TENM4: variants seen among roughly 807,000 people sequenced by gnomAD.
TENM4 encodes the protein teneurin transmembrane protein 4.
A neutral mutation model predicts 243.3 loss-of-function variants in TENM4; 82 were observed. The ratio of observed to expected loss-of-function variants is 0.34; its 90% CI spans 0.28 to 0.40. TENM4 has a LOEUF of 0.40. TENM4 is among the 10% of genes least tolerant of loss of function. The probability of loss-of-function intolerance (pLI) is 1.00; values close to 1 mark genes in which losing one functional copy is unlikely to be tolerated. For missense variants in TENM4, 3,138 were observed against 3,673.3 expected (o/e 0.85, Z 3.77); for synonymous variants, 1,412 against 1,456.3 (o/e 0.97, Z 0.69).
intron 2 of TENM4, among the ~76,000 whole-genome samples, chr11:79,261,834 C>G (rs571762573): frequency 6.6e-6 from 1 of 152,272 alleles, no homozygotes; most frequent in East Asian, 1.9e-4. Context: ...AATACTGGGG[C>G]AGGCCTCTGA....
intron 30 of TENM4, among the ~76,000 whole-genome samples, chr11:78,672,872 C>A (rs1296070498): frequency 6.6e-6 from 1 of 152,058 alleles, no homozygotes; most frequent in Non-Finnish European, 1.5e-5. Context: ...GCCCTCTGAG[C>A]AATTCGTGGC....
At chr11:79,037,559 AT>A (rs951163830) in intron 6 of TENM4, among the ~76,000 whole-genome samples, 3 of 152,298 alleles carry the variant, frequency 2.0e-5, no homozygotes, top group Admixed American at 1.3e-4. Flanking sequence ...ATTTGGCTTC[AT>A]TTTTTTAAGC....
intron 3 of TENM4, among the ~76,000 whole-genome samples, chr11:79,189,666 A>G (rs1863441998): frequency 6.6e-6 from 1 of 152,196 alleles, no homozygotes; most frequent in Non-Finnish European, 1.5e-5. Context: ...CTGGATATGT[A>G]GTGCCTGTGT....
intron 2 of TENM4, among the ~76,000 whole-genome samples, chr11:79,257,049 G>A (rs1021230597): frequency 8.5e-5 from 13 of 152,138 alleles, no homozygotes; most frequent in African/African-American, 2.9e-4. Flanking sequence ...ATGAGAGACA[G>A]AGCAGTGAAT....
intron 1 of TENM4, among the ~76,000 whole-genome samples, chr11:79,353,568 G>A (rs1212439646): frequency 6.6e-6 from 1 of 152,126 alleles, no homozygotes; most frequent in Non-Finnish European, 1.5e-5. Context: ...GATCTCTAAT[G>A]TATCATGGTT....
intron 4 of TENM4, among the ~76,000 whole-genome samples, chr11:79,110,978 T>C (rs1861490647): frequency 6.6e-6 from 1 of 152,172 alleles, no homozygotes; most frequent in African/African-American, 2.4e-5. Context: ...GGTTTGGCTG[T>C]GTCCCCACCC....
intron 4 of TENM4, among the ~76,000 whole-genome samples, chr11:79,077,131 C>G (rs1032014386): frequency 3.3e-5 from 5 of 152,204 alleles, no homozygotes; most frequent in African/African-American, 9.7e-5. Context: ...ATAGGAGACT[C>G]CCTTCTTCTC....
intron 18 of TENM4, among the ~76,000 whole-genome samples, chr11:78,761,074 T>G (rs1364616849): frequency 6.6e-6 from 1 of 152,190 alleles, no homozygotes; most frequent in African/African-American, 2.4e-5. Context: ...TTCAGACTGT[T>G]AAGTTCTCGG....
intron 6 of TENM4, among the ~76,000 whole-genome samples, chr11:78,990,717 C>T (rs1299098494): frequency 6.6e-6 from 1 of 152,134 alleles, no homozygotes; most frequent in Non-Finnish European, 1.5e-5. Context: ...GGTGTTGATG[C>T]TAAAGACCTT....
At chr11:79,019,577 G>A (rs1314603671) in intron 6 of TENM4, among the ~76,000 whole-genome samples, 1 of 152,090 alleles carries the variant, frequency 6.6e-6, no homozygotes, top group Non-Finnish European at 1.5e-5. Context: ...CCTTTACTTT[G>A]CTCTCTAAGT....
chr11:79,405,862 A>C (rs149743387), intron 1 of TENM4, among the ~76,000 whole-genome samples: 2,526 of 151,498 alleles, frequency 0.017, 79 homozygotes, highest in African/African-American at 0.058. Context: ...AAAAAAAAAA[A>C]AAAAAAAAAC....
chr11:79,335,549 G>A (rs1484029235), intron 1 of TENM4, among the ~76,000 whole-genome samples: 13 of 152,192 alleles, frequency 8.5e-5, no homozygotes, highest in Non-Finnish European at 1.5e-4. Flanking sequence ...GAAAGGCAAA[G>A]TTTGAAGTCA....
chr11:78,748,869 A>C (rs556611167), intron 19 of TENM4, among the ~76,000 whole-genome samples: 12 of 152,280 alleles, frequency 7.9e-5, no homozygotes, highest in African/African-American at 2.9e-4. Flanking sequence ...ATCTCATTTA[A>C]TCTTCCAAAC....
In TENM4 at chr11:79,338,946, C is replaced by T. The variant is rs534661224; in HGVS notation, c.-320-41403G>A. Among the ~76,000 whole-genome samples, 4 of 152,358 alleles carry T rather than the reference C, an allele frequency of 2.6e-5. No homozygotes were observed. In the South Asian group the frequency reaches 8.3e-4, roughly 32 times the overall value. ...AAGTTGAGTCTACTCTGGAGATTGA[C>T]TCAGTTCACTTTGGGGCTAGAAACC... On this transcript the variant is annotated intron_variant, in intron 1 of 33. Coordinates refer to ENST00000278550, the MANE Select transcript of TENM4 (RefSeq NM_001098816.3).
At chr11:78,834,552 T>C (rs561368942) in intron 12 of TENM4, among the ~76,000 whole-genome samples, 68 of 152,292 alleles carry the variant, frequency 4.5e-4, no homozygotes, top group African/African-American at 1.6e-3. Flanking sequence ...CCAGAGTCTT[T>C]TGGTCCCCCC....
chr11:78,950,142 C>G (rs1040597476), intron 6 of TENM4, among the ~76,000 whole-genome samples: 3 of 152,144 alleles, frequency 2.0e-5, no homozygotes, highest in African/African-American at 7.2e-5. Flanking sequence ...GGCCACTGCC[C>G]CTTACCATTA....
chr11:79,267,259 C>T lies in TENM4; in HGVS notation c.-265+30229G>A, dbSNP rs78634447. 7.7e-3 allele frequency among the ~76,000 whole-genome samples: 1,166 copies of T among 152,308 alleles called. 13 individuals carry two copies. Among genetic ancestry groups the T allele is most frequent in the African/African-American group, 0.027 (1,120 of 41,570 alleles). On this transcript the variant is annotated intron_variant, in intron 2 of 33. Coordinates refer to ENST00000278550, the MANE Select transcript of TENM4 (RefSeq NM_001098816.3). ...AGCCCATCATCATCACATACTTGGCCTATTGCAAAGCCTTCTTGTCAATCT... is the reference window on the plus strand; with the variant it reads ...AGCCCATCATCATCACATACTTGGCTTATTGCAAAGCCTTCTTGTCAATCT...
chr11:79,123,599 C>CTTTTTT (rs35553883), intron 4 of TENM4, among the ~76,000 whole-genome samples: 2 of 143,750 alleles, frequency 1.4e-5, no homozygotes. Context: ...GCAGTAGCCC[C>CTTTTTT]TTTTTTTTTT....
At chr11:79,253,258 C>T (rs1429184177) in intron 2 of TENM4, among the ~76,000 whole-genome samples, 1 of 152,154 alleles carries the variant, frequency 6.6e-6, no homozygotes, top group Admixed American at 6.5e-5. Flanking sequence ...CTCAAACTCA[C>T]ACTCAGGGCC....
Sources: gnomAD v4.1 joint callset for allele counts (sites outside exome capture counted in the v4.1 genomes callset) on GRCh38, gnomAD v4.1.1 for gene constraint, MANE v1.5 for transcripts, NCBI Gene and HGNC (gene_info 2026-07-23, HGNC 2026-07-21) for gene names.